The following CTNNB1 variants were observed in gnomAD, a reference collection of about 807,000 sequenced individuals.
The protein encoded by CTNNB1 is catenin beta 1.
CTNNB1 carries 6 observed loss-of-function variants against 82.5 expected under a neutral mutation model. The ratio of observed to expected loss-of-function variants is 0.07; its 90% CI spans 0.04 to 0.14. CTNNB1 has a LOEUF of 0.14. CTNNB1 is among the 10% of genes least tolerant of loss of function. CTNNB1 has a pLI of 1.00. For synonymous variants in CTNNB1, 312 were observed against 329.7 expected (o/e 0.95, Z 0.58); for missense variants, 529 against 980.4 (o/e 0.54, Z 6.15).
intron 1 of CTNNB1, among the ~76,000 whole-genome samples, chr3:41,205,183 TG>T (rs2077620750): frequency 6.6e-6 from 1 of 152,250 alleles, no homozygotes; most frequent in Non-Finnish European, 1.5e-5. Context: ...CCAATTTTAC[TG>T]GTCTTTAAAT....
At chr3:41,206,154 A>G (rs2077643189) in intron 1 of CTNNB1, among the ~76,000 whole-genome samples, 1 of 152,114 alleles carries the variant, frequency 6.6e-6, no homozygotes, top group South Asian at 2.1e-4. Flanking sequence ...AGTAATTCAC[A>G]TGTTGCTGGA....
At position 41,238,055 on chromosome 3, in the gene CTNNB1, C is replaced by A; in HGVS notation, c.2116C>A (p.Pro706Thr). Residue 706 changes from proline to threonine, a missense_variant, in exon 14 of 15, where the codon CCC becomes ACC. This residue lies in a region of CTNNB1 where 102 missense variants were observed against 130.8 expected (regional missense o/e 0.78). Transcript: ENST00000349496. Reference protein sequence around the residue: ...LGLDIGAQGEPLGYRQDDPSY... With the variant: ...LGLDIGAQGETLGYRQDDPSY... ...ACTTGATATTGGTGCCCAGGGAGAA[C>A]CCCTTGGATATCGCCAGGATGGTAT... 6.2e-7 allele frequency: 1 copy of A among 1,613,696 alleles called. No individual in the cohort carries two copies. The highest frequency in any genetic ancestry group is 8.5e-7 in the Non-Finnish European group (1 of 1,179,654).
intron 7 of CTNNB1, among the ~76,000 whole-genome samples, chr3:41,232,912 T>G (rs1453089016): frequency 6.6e-6 from 1 of 152,200 alleles, no homozygotes; most frequent in Non-Finnish European, 1.5e-5. Flanking sequence ...GTTTATTGTA[T>G]ATTTTTCTGC....
At chr3:41,233,248 A>G (rs2078352528) in intron 7 of CTNNB1, 93 bp from the exon 8 acceptor site, 1 of 1,030,744 alleles carries the variant, frequency 9.7e-7, no homozygotes, top group Non-Finnish European at 1.5e-6. Flanking sequence ...CTGGAAATAC[A>G]GAAGGACACC....
intron 1 of CTNNB1, among the ~76,000 whole-genome samples, chr3:41,209,783 A>G (rs1409274699): frequency 6.6e-6 from 1 of 152,240 alleles, no homozygotes. Context: ...AAAATAAAAA[A>G]TGGTACAACT....
In CTNNB1 at chr3:41,236,450, A is replaced by G; in HGVS notation, c.1905A>G (p.Gly635=). The G allele has an allele frequency of 6.2e-7, 1 of 1,614,188 alleles. No homozygotes were observed. The highest frequency in any genetic ancestry group is 8.5e-7 in the Non-Finnish European group (1 of 1,180,002). Residue 635 remains glycine, a synonymous_variant, in exon 12 of 15, where the codon GGA becomes GGG. Transcript: ENST00000349496. Reference sequence around the variant, plus strand: ...CTGCAGAAGCTATTGAAGCTGAGGGAGCCACAGCTCCTCTGACAGAGTTAC... The same window carrying G: ...CTGCAGAAGCTATTGAAGCTGAGGGGGCCACAGCTCCTCTGACAGAGTTAC... ...KEAAEAIEAE[G]ATAPLTELLH...
chr3:41,235,984 A>T (rs536609038), intron 11 of CTNNB1, 141 bp downstream of exon 11: 138 of 1,072,672 alleles, frequency 1.3e-4, no homozygotes, highest in Middle Eastern at 5.9e-4. Flanking sequence ...TTTTTTGGTC[A>T]GTAAGAGAAA....
At chr3:41,221,144 G>C (rs1011432219) in intron 1 of CTNNB1, 2 of 152,146 alleles carry the variant, frequency 1.3e-5, no homozygotes, top group African/African-American at 4.8e-5. Flanking sequence ...AAAGCTGTTG[G>C]AAAACACAGC....
chr3:41,223,269 G>GT (rs1028964498), intron 1 of CTNNB1, among the ~76,000 whole-genome samples: 3 of 151,964 alleles, frequency 2.0e-5, no homozygotes, highest in African/African-American at 7.2e-5. Context: ...GTGTGATGCA[G>GT]TTTTTTTCAA....
At chr3:41,224,818 A>G in intron 3 of CTNNB1, 65 bp downstream of exon 3, 1 of 1,589,524 alleles carries the variant, frequency 6.3e-7, no homozygotes, top group East Asian at 2.2e-5. Context: ...CTAAAAAGTT[A>G]GTGTATAATA....
intron 1 of CTNNB1, among the ~76,000 whole-genome samples, chr3:41,213,137 T>A (rs1286802155): frequency 6.6e-6 from 1 of 152,256 alleles, no homozygotes; most frequent in Non-Finnish European, 1.5e-5. Flanking sequence ...GTGATCTGGC[T>A]ATTTTTAACG....
At chr3:41,232,064 C>G (rs1575327008) in intron 7 of CTNNB1, among the ~76,000 whole-genome samples, 1 of 151,992 alleles carries the variant, frequency 6.6e-6, no homozygotes, top group African/African-American at 2.4e-5. Flanking sequence ...TTGGAAGTTT[C>G]CCTCTTAGTA....
chr3:41,236,964 G>A (rs928386057), intron 13 of CTNNB1: 1 of 589,026 alleles, frequency 1.7e-6, no homozygotes, highest in Non-Finnish European at 3.0e-6. Flanking sequence ...GATGAAAAAT[G>A]TTACCAGATT....
At chr3:41,201,892 T>C (rs2077540291) in intron 1 of CTNNB1, among the ~76,000 whole-genome samples, 1 of 152,068 alleles carries the variant, frequency 6.6e-6, no homozygotes, top group Admixed American at 6.5e-5. Context: ...GGAATAAAAA[T>C]TGGCATAAAT....
intron 1 of CTNNB1, among the ~76,000 whole-genome samples, chr3:41,206,151 C>T (rs1402151556): frequency 6.6e-6 from 1 of 152,076 alleles, no homozygotes; most frequent in Non-Finnish European, 1.5e-5. Flanking sequence ...TTTAGTAATT[C>T]ACATGTTGCT....
intron 1 of CTNNB1, chr3:41,222,453 G>T (rs555840395): frequency 6.6e-6 from 1 of 152,124 alleles, no homozygotes; most frequent in Non-Finnish European, 1.5e-5. Flanking sequence ...TAGGGTTGCA[G>T]TGAAGAGCAA....
chr3:41,235,539 A>G, intron 10 of CTNNB1, 185 bp from the exon 11 acceptor site: 3 of 711,528 alleles, frequency 4.2e-6, no homozygotes, highest in Non-Finnish European at 7.3e-6. Flanking sequence ...GCTGCTTTGA[A>G]TTAGTGCTGC....
chr3:41,211,140 G>A (rs2077775897), intron 1 of CTNNB1: 2 of 451,370 alleles, frequency 4.4e-6, no homozygotes, highest in Admixed American at 2.4e-5. Flanking sequence ...CTGTGGTTTC[G>A]TTTACACCAG....
chr3:41,227,852 A>G (rs148899636), intron 7 of CTNNB1, among the ~76,000 whole-genome samples: 42 of 152,154 alleles, frequency 2.8e-4, no homozygotes, highest in African/African-American at 9.4e-4. Context: ...ATTGTACCCA[A>G]TAGGTAGTTT....
Sources: gnomAD v4.1 joint callset for allele counts (sites outside exome capture counted in the v4.1 genomes callset) on GRCh38, gnomAD v4.1.1 for gene constraint, gnomAD v4.1.1 regional missense constraint, MANE v1.5 for transcripts, NCBI Gene and HGNC (gene_info 2026-07-23, HGNC 2026-07-21) for gene names.